The following BRINP3 variants were observed in gnomAD, a reference collection of about 807,000 sequenced individuals.
BRINP3 encodes the protein BMP/retinoic acid-inducible neural-specific protein 3.
BRINP3 carries 19 observed loss-of-function variants against 71.0 expected under a neutral mutation model. The observed-to-expected ratio is 0.27, with a 90% CI of 0.19 to 0.39. The LOEUF (loss-of-function observed/expected upper bound fraction) is 0.39, where lower values mean the gene tolerates loss of function less well. Among genes scored for constraint, BRINP3 ranks in the 10% least tolerant of loss-of-function variants. The pLI, the probability that BRINP3 is intolerant of heterozygous loss-of-function variation, is 1.00. For synonymous variants in BRINP3, 380 were observed against 337.7 expected, an observed-to-expected ratio of 1.13 and a Z score of -1.37; for missense variants, 959 against 940.8, an observed-to-expected ratio of 1.02 and a Z score of -0.25.
chr1:190,244,579 A>G (rs534338302), intron 4 of BRINP3, among the ~76,000 whole-genome samples: 3 of 152,114 alleles, frequency 2.0e-5, no homozygotes, highest in Non-Finnish European at 2.9e-5. Flanking sequence ...TGGCAGCAGA[A>G]TCCAGGGCAT....
intron 2 of BRINP3, among the ~76,000 whole-genome samples, chr1:190,422,954 C>T (rs1673477988): frequency 6.6e-6 from 1 of 151,664 alleles, no homozygotes; most frequent in Non-Finnish European, 1.5e-5. Context: ...TTTTAAGAAT[C>T]CTTGAAAAAC....
intron 2 of BRINP3, among the ~76,000 whole-genome samples, chr1:190,351,741 T>C (rs1468881007): frequency 6.6e-6 from 1 of 152,070 alleles, no homozygotes; most frequent in Admixed American, 6.6e-5. Context: ...TTTAAATGGG[T>C]CAGTAATTTC....
chr1:190,431,072 G>A (rs1038653409), intron 2 of BRINP3, among the ~76,000 whole-genome samples: 20 of 151,976 alleles, frequency 1.3e-4, no homozygotes, highest in Admixed American at 1.2e-3. Flanking sequence ...GACATACTAC[G>A]TATTAGCTCT....
intron 4 of BRINP3, among the ~76,000 whole-genome samples, chr1:190,252,528 T>C (rs1285812206): frequency 1.3e-5 from 2 of 152,098 alleles, no homozygotes; most frequent in Admixed American, 6.6e-5. Flanking sequence ...TGTTTCAGCA[T>C]ACATGCTAAA....
chr1:190,275,484 T>G (rs376935776), intron 3 of BRINP3, among the ~76,000 whole-genome samples: 7 of 151,786 alleles, frequency 4.6e-5, no homozygotes, highest in African/African-American at 1.7e-4. Context: ...CTGATGCTGA[T>G]GCTTTTCGTT....
chr1:190,360,133 C>A (rs1669039642), intron 2 of BRINP3, among the ~76,000 whole-genome samples: 1 of 152,130 alleles, frequency 6.6e-6, no homozygotes, highest in Admixed American at 6.6e-5. Flanking sequence ...TATTCAGATT[C>A]TTTTCAAAGC....
chr1:190,223,059 G>T (rs1411896525), intron 6 of BRINP3, among the ~76,000 whole-genome samples: 1 of 151,812 alleles, frequency 6.6e-6, no homozygotes, highest in East Asian at 1.9e-4. Flanking sequence ...TGAAGCTCAG[G>T]ATCATTGGCT....
intron 6 of BRINP3, among the ~76,000 whole-genome samples, chr1:190,206,330 A>C (rs2102632157): frequency 6.6e-6 from 1 of 152,170 alleles, no homozygotes; most frequent in African/African-American, 2.4e-5. Context: ...TAAATAAATA[A>C]ATAAATAAAT....
chr1:190,232,455 T>C (rs774630111), intron 5 of BRINP3, among the ~76,000 whole-genome samples: 1 of 151,984 alleles, frequency 6.6e-6, no homozygotes, highest in Admixed American at 6.6e-5. Context: ...ATATTGAGGG[T>C]CTTGAAATTG....
At chr1:190,453,203 A>ATTT (rs1190785225) in intron 2 of BRINP3, among the ~76,000 whole-genome samples, 518 of 40,830 alleles carry the variant, frequency 0.013, 140 homozygotes, top group African/African-American at 0.02. Flanking sequence ...AAACTTTAGT[A>ATTT]TTTTTTTTTT....
chr1:190,225,780 A>T (rs1657311123), intron 6 of BRINP3, among the ~76,000 whole-genome samples: 1 of 151,902 alleles, frequency 6.6e-6, no homozygotes, highest in Non-Finnish European at 1.5e-5. Flanking sequence ...GTAGAGAAAA[A>T]CCTCAGAGGT....
rs142715113 is a variant in BRINP3, at chr1:190,162,033, C to T, written c.962-1143G>A. On this transcript the variant is annotated intron_variant, in intron 6 of 7. Coordinates refer to ENST00000367462, the MANE Select transcript of BRINP3 (RefSeq NM_199051.3). Reference sequence around the variant, plus strand: ...TAAGTACAGAGTTCTGGCATCTTTACGGCATTGAAGGAATAGACTTTTATC... The same window carrying T: ...TAAGTACAGAGTTCTGGCATCTTTATGGCATTGAAGGAATAGACTTTTATC... Among the ~76,000 whole-genome samples the T allele has an allele frequency of 1.5e-4, 23 of 152,076 alleles. No homozygotes were observed. In the East Asian group the frequency reaches 2.5e-3, roughly 17 times the overall value.
chr1:190,195,140 A>G (rs1022097579), intron 6 of BRINP3, among the ~76,000 whole-genome samples: 1 of 152,086 alleles, frequency 6.6e-6, no homozygotes, highest in Non-Finnish European at 1.5e-5. Context: ...ATATGCAATC[A>G]CAAGTAAATA....
intron 2 of BRINP3, among the ~76,000 whole-genome samples, chr1:190,445,920 A>G (rs1350128900): frequency 6.6e-6 from 1 of 152,206 alleles, no homozygotes; most frequent in Non-Finnish European, 1.5e-5. Flanking sequence ...AATTGTGTTA[A>G]CTAGCAATCT....
At chr1:190,185,407 C>T (rs563582771) in intron 6 of BRINP3, among the ~76,000 whole-genome samples, 1 of 152,122 alleles carries the variant, frequency 6.6e-6, no homozygotes, top group East Asian at 1.9e-4. Flanking sequence ...GATAACATTT[C>T]ACATCTCTCA....
intron 4 of BRINP3, among the ~76,000 whole-genome samples, chr1:190,249,221 A>C (rs547115361): frequency 6.6e-6 from 1 of 151,918 alleles, no homozygotes; most frequent in South Asian, 2.1e-4. Context: ...AAATCATGTC[A>C]CGTTCACTTA....
chr1:190,342,127 C>G (rs1007835118), intron 2 of BRINP3, among the ~76,000 whole-genome samples: 70 of 151,348 alleles, frequency 4.6e-4, no homozygotes, highest in African/African-American at 1.6e-3. Flanking sequence ...TTGCATTTAT[C>G]TGGTTCTCTG....
chr1:190,292,322 T>A (rs991271127), intron 2 of BRINP3, among the ~76,000 whole-genome samples: 4 of 151,946 alleles, frequency 2.6e-5, no homozygotes, highest in East Asian at 1.9e-4. Flanking sequence ...AAACTTATTA[T>A]GAAGAGTCAC....
chr1:190,297,783 T>TGTGTGTGTGTGTGTGTGTGTGC (rs1664360292), intron 2 of BRINP3, among the ~76,000 whole-genome samples: 1 of 150,904 alleles, frequency 6.6e-6, no homozygotes, highest in African/African-American at 2.4e-5. Flanking sequence ...TTTTCTCGTG[T>TGTGTGTGTGTGTGTGTGTGTGC]GTGTGTGTGT....
Sources: gnomAD v4.1 joint callset for allele counts (sites outside exome capture counted in the v4.1 genomes callset) on GRCh38, gnomAD v4.1.1 for gene constraint, MANE v1.5 for transcripts, NCBI Gene and HGNC (gene_info 2026-07-23, HGNC 2026-07-21) for gene names.